Variants in SNAP91 observed in about 807,000 individuals in gnomAD.
The protein encoded by SNAP91 is clathrin coat assembly protein AP180.
In SNAP91, 27 loss-of-function variants were observed where a neutral mutation model predicts 100.3. The observed-to-expected ratio is 0.27, with a 90% CI of 0.20 to 0.37. The LOEUF (loss-of-function observed/expected upper bound fraction) is 0.37. SNAP91 is among the 10% of genes least tolerant of loss of function. SNAP91 has a pLI of 1.00. For missense variants in SNAP91, 986 were observed against 1,123.7 expected (o/e 0.88, Z 1.75); for synonymous variants, 404 against 398.6 (o/e 1.01, Z -0.16).
rs369723430 is a variant in SNAP91, at chr6:83,593,542, G to A, written c.1632C>T (p.Thr544=). 369 of 1,553,024 alleles carry A rather than the reference G, an allele frequency of 2.4e-4. No individual in the cohort carries two copies. Among genetic ancestry groups the A allele is most frequent in the Non-Finnish European group, 3.1e-4 (357 of 1,147,608 alleles). The stretch of plus-strand genomic sequence containing the variant: ...TGGCAGCGGAGGTGGTGGTAGTGGT[G>A]GTGGCAGCGGCGGTGGCAGCAGTAG... ...AATTAATAAA[T]TTTTTSAATA... The change falls in exon 18 of 30, where the codon ACC becomes ACT. Residue 544 remains threonine (T), a synonymous_variant. Transcript: ENST00000369694.
intron 7 of SNAP91, among the ~76,000 whole-genome samples, chr6:83,654,385 A>T (rs2098328687): frequency 6.6e-6 from 1 of 152,110 alleles, no homozygotes; most frequent in South Asian, 2.1e-4. Context: ...TATTTTTAGG[A>T]CATATTGGTG....
intron 11 of SNAP91, among the ~76,000 whole-genome samples, chr6:83,611,620 T>C (rs887897030): frequency 1.3e-5 from 2 of 151,932 alleles, no homozygotes; most frequent in African/African-American, 4.8e-5. Flanking sequence ...ATTTAGTAAG[T>C]AGAATTTTGT....
chr6:83,669,747 T>C (rs935674009), intron 2 of SNAP91, among the ~76,000 whole-genome samples: 1 of 152,162 alleles, frequency 6.6e-6, no homozygotes, highest in South Asian at 2.1e-4. Flanking sequence ...AAAACTTTTT[T>C]CTTGAGAGGG....
At chr6:83,594,202 T>C (rs2094191364) in intron 17 of SNAP91, among the ~76,000 whole-genome samples, 172 bp downstream of exon 17, 1 of 152,252 alleles carries the variant, frequency 6.6e-6, no homozygotes. Flanking sequence ...TTGATAAGTA[T>C]GTACTTCATT....
chr6:83,638,515 A>G (rs2097549535), intron 8 of SNAP91, among the ~76,000 whole-genome samples: 1 of 152,156 alleles, frequency 6.6e-6, no homozygotes, highest in Admixed American at 6.5e-5. Context: ...ATGTTTTAAC[A>G]CCACTTTAGA....
chr6:83,623,221 A>T lies in SNAP91; in HGVS notation c.807+80T>A, dbSNP rs145172306. ...TAAGTTCAAAATGCATGAAATGCTT[A>T]CAAGACTATGCCCATTTGTGGCAAT... On this transcript the variant is annotated intron_variant, in intron 9 of 29. Transcript: ENST00000369694. 777 of 1,136,684 alleles carry T rather than the reference A, an allele frequency of 6.8e-4. 5 individuals are homozygous for T. In the African/African-American group the frequency reaches 0.011, roughly 16 times the overall value. 70.4% of individuals were successfully genotyped at this position (1,136,684 alleles called of 1,614,324 possible). A position where few individuals can be genotyped will look rare whatever the true frequency, so the allele number is the denominator to read the frequency against.
At chr6:83,661,003 C>G (rs1247754478) in intron 5 of SNAP91, among the ~76,000 whole-genome samples, 1 of 151,932 alleles carries the variant, frequency 6.6e-6, no homozygotes, top group East Asian at 1.9e-4. Context: ...TGGTCTTTAA[C>G]TCCTACGTTG....
At chr6:83,643,504 G>A (rs1229376664) in intron 7 of SNAP91, among the ~76,000 whole-genome samples, 1 of 152,106 alleles carries the variant, frequency 6.6e-6, no homozygotes, top group South Asian at 2.1e-4. Flanking sequence ...AGTTGTAGAT[G>A]TGTGGTATTA....
At chr6:83,597,453 C>G (rs1252994807) in intron 16 of SNAP91, among the ~76,000 whole-genome samples, 1 of 152,180 alleles carries the variant, frequency 6.6e-6, no homozygotes, top group Non-Finnish European at 1.5e-5. Flanking sequence ...GTTCAGCTCT[C>G]CTTTTCATGT....
At position 83,634,544 on chromosome 6, in the gene SNAP91, A is replaced by G. The variant is rs180927313; in HGVS notation, c.765+6552T>C. ...AGTCATTCTGGAGCAAAAATTCACA[A>G]TGCGAGCCTCCATATGCTGCTCTGT... On this transcript the variant is annotated intron_variant, in intron 8 of 29. Coordinates refer to ENST00000369694, the MANE Select transcript of SNAP91 (RefSeq NM_001242792.2). Among the ~76,000 whole-genome samples, 417 of 152,130 alleles carry G rather than the reference A, an allele frequency of 2.7e-3. 2 individuals are homozygous for G. Among genetic ancestry groups the G allele is most frequent in the Non-Finnish European group, 3.6e-3 (242 of 68,002 alleles).
chr6:83,600,485 T>C (rs2128238708), intron 16 of SNAP91, among the ~76,000 whole-genome samples: 1 of 152,340 alleles, frequency 6.6e-6, no homozygotes, highest in East Asian at 1.9e-4. Flanking sequence ...TTGACGTATG[T>C]GTTTGATATG....
chr6:83,573,483 T>C (rs572971744), intron 26 of SNAP91, among the ~76,000 whole-genome samples: 58 of 152,178 alleles, frequency 3.8e-4, no homozygotes, highest in African/African-American at 1.0e-3. Context: ...AAAAAGAGCC[T>C]GCATTGCCAA....
intron 2 of SNAP91, among the ~76,000 whole-genome samples, chr6:83,690,744 G>A (rs900536481): frequency 2.6e-5 from 4 of 151,896 alleles, no homozygotes; most frequent in African/African-American, 9.7e-5. Context: ...AAATGAGATG[G>A]GCAGTATTAG....
At chr6:83,632,096 T>C (rs1367069498) in intron 8 of SNAP91, among the ~76,000 whole-genome samples, 1 of 152,110 alleles carries the variant, frequency 6.6e-6, no homozygotes, top group Non-Finnish European at 1.5e-5. Flanking sequence ...GTATCTTTCC[T>C]TTATATATGA....
chr6:83,596,554 T>C (rs2094492609), intron 16 of SNAP91, among the ~76,000 whole-genome samples: 1 of 152,186 alleles, frequency 6.6e-6, no homozygotes, highest in Non-Finnish European at 1.5e-5. Context: ...ATTAAATTTA[T>C]CTGTAACAAT....
intron 22 of SNAP91, among the ~76,000 whole-genome samples, chr6:83,587,533 T>C (rs1052896787): frequency 2.6e-5 from 4 of 152,140 alleles, no homozygotes; most frequent in Non-Finnish European, 5.9e-5. Flanking sequence ...CAATAGACTG[T>C]GGACTTAGCT....
intron 17 of SNAP91, 21 bp downstream of exon 17, chr6:83,594,353 G>A (rs1290200550): frequency 5.3e-6 from 8 of 1,523,448 alleles, no homozygotes; most frequent in Non-Finnish European, 7.1e-6. Context: ...ATAACAGACT[G>A]GCTAATGACT....
intron 2 of SNAP91, among the ~76,000 whole-genome samples, chr6:83,701,048 A>G (rs2129048535): frequency 6.6e-6 from 1 of 152,360 alleles, no homozygotes; most frequent in South Asian, 2.1e-4. Context: ...AAAGACATAG[A>G]ATATTTAAAG....
rs760462575 is a variant in SNAP91 at position 83,707,754 on chromosome 6, G to C, written c.130+44C>G. ...AGGCCGCACCACCAGCATCCCAGGC[G>C]CCTCTGCCGTGCGCATGTCCCTCTT... On this transcript the variant is annotated intron_variant, in intron 2 of 29. Coordinates refer to ENST00000369694, the MANE Select transcript of SNAP91 (RefSeq NM_001242792.2). The C allele has an allele frequency of 4.8e-5, 77 of 1,605,704 alleles. 1 individual carries two copies. In the Admixed American group the frequency reaches 6.2e-4, roughly 13 times the overall value.
Sources: gnomAD v4.1 joint callset for allele counts (sites outside exome capture counted in the v4.1 genomes callset) on GRCh38, gnomAD v4.1.1 for gene constraint, MANE v1.5 for transcripts, NCBI Gene and HGNC (gene_info 2026-07-23, HGNC 2026-07-21) for gene names.